CELF2: variants seen among roughly 807,000 people sequenced by gnomAD.
CELF2 encodes CUGBP Elav-like family member 2.
A neutral mutation model predicts 62.6 loss-of-function variants in CELF2; 8 were observed. The ratio of observed to expected loss-of-function variants is 0.13; its 90% CI spans 0.07 to 0.23. CELF2 has a LOEUF of 0.23. CELF2 is among the 10% of genes least tolerant of loss of function. The pLI is 1.00. For synonymous variants in CELF2, 258 were observed against 250.0 expected (o/e 1.03, Z -0.30); for missense variants, 333 against 671.0 (o/e 0.50, Z 5.56).
chr10:10,619,674 G>A, the CELF2 span, among the ~76,000 whole-genome samples: 1 of 152,200 alleles, frequency 6.6e-6, no homozygotes, highest in Admixed American at 6.5e-5. Context: ...TGCGCTGATG[G>A]GAATTCAGTG....
At chr10:11,283,312 C>T (rs545307083) in intron 8 of CELF2, among the ~76,000 whole-genome samples, 19 of 152,348 alleles carry the variant, frequency 1.2e-4, no homozygotes, top group Admixed American at 2.6e-4. Context: ...TTCTTCCCCA[C>T]TCCCTGACAT....
At chr10:11,078,860 CT>C (rs2072998867) in intron 1 of CELF2, among the ~76,000 whole-genome samples, 1 of 152,170 alleles carries the variant, frequency 6.6e-6, no homozygotes, top group African/African-American at 2.4e-5. Flanking sequence ...ACATCCATTG[CT>C]TTGCTTTAGA....
chr10:10,964,577 T>C (rs2049911674), intron 2 of CELF2, among the ~76,000 whole-genome samples: 1 of 152,226 alleles, frequency 6.6e-6, no homozygotes, highest in Non-Finnish European at 1.5e-5. Context: ...TTTATGTCAT[T>C]TCAGCAACTT....
chr10:11,214,158 C>T lies in CELF2; in HGVS notation c.272-3267C>T, dbSNP rs1444082864. Among the ~76,000 whole-genome samples the T allele has an allele frequency of 1.3e-5, 2 of 152,118 alleles. No individual in the cohort carries two copies. The highest frequency in any genetic ancestry group is 2.9e-5 in the Non-Finnish European group (2 of 68,022). ...AAGTAGTCAGGCATGGTAGCACACA[C>T]CTGTACTCCCAGGTACTCAGGGAAG... On this transcript the variant is annotated intron_variant, in intron 2 of 12. Transcript: ENST00000633077. This position sits in a 1 kb window ranked among gnomAD's most constrained non-coding sequence, Gnocchi z 4.2.
At chr10:11,120,153 G>A (rs1262079218) in intron 1 of CELF2, among the ~76,000 whole-genome samples, 1 of 152,160 alleles carries the variant, frequency 6.6e-6, no homozygotes, top group Non-Finnish European at 1.5e-5. Flanking sequence ...TTCGCCAGGT[G>A]TCAGGGGATA....
chr10:11,098,822 C>T lies in CELF2; in HGVS notation c.75-66664C>T, dbSNP rs953484712. On this transcript the variant is annotated intron_variant, in intron 1 of 12. Transcript: ENST00000633077. The surrounding 1 kb of genome is among the most constrained non-coding windows in gnomAD (Gnocchi z 4.0). ...ATTTGACCGAGGCTTCTTGGCTCTG[C>T]ACCGGGTGATAATTCTACCTGGGCA... is the stretch of plus-strand genomic sequence containing the variant. 7.2e-5 allele frequency among the ~76,000 whole-genome samples: 11 copies of T among 152,190 alleles called. No homozygotes were observed. The highest frequency in any genetic ancestry group is 2.7e-4 in the African/African-American group (11 of 41,436).
chr10:10,610,681 C>A, the CELF2 span, among the ~76,000 whole-genome samples: 11 of 152,242 alleles, frequency 7.2e-5, 1 homozygote, highest in Middle Eastern at 3.4e-3. Context: ...TCCTTCCATG[C>A]TAATAAATGC....
At chr10:11,126,017 G>T (rs973119662) in intron 1 of CELF2, among the ~76,000 whole-genome samples, 3 of 152,116 alleles carry the variant, frequency 2.0e-5, no homozygotes, top group Admixed American at 1.3e-4. Context: ...CTCAGAATAA[G>T]GTCTTTCTGT....
At chr10:10,602,041 C>T in the CELF2 span, among the ~76,000 whole-genome samples, 2 of 152,218 alleles carry the variant, frequency 1.3e-5, no homozygotes, top group Admixed American at 1.3e-4. Flanking sequence ...CTTCTAGTTC[C>T]ATCCATGTCC....
At chr10:11,281,251 T>G (rs918662642) in intron 8 of CELF2, among the ~76,000 whole-genome samples, 1 of 152,128 alleles carries the variant, frequency 6.6e-6, no homozygotes, top group African/African-American at 2.4e-5. Flanking sequence ...ACACATACTT[T>G]TTCATAAAAT....
At chr10:11,295,198 T>G (rs2093020878) in intron 9 of CELF2, among the ~76,000 whole-genome samples, 1 of 149,356 alleles carries the variant, frequency 6.7e-6, no homozygotes, top group African/African-American at 2.5e-5. Flanking sequence ...GACTGTCACC[T>G]CTTGATAGAT....
chr10:11,107,863 T>TCCC (rs1377332479), intron 1 of CELF2, among the ~76,000 whole-genome samples: 1,753 of 71,772 alleles, frequency 0.024, 189 homozygotes, highest in African/African-American at 0.076. Flanking sequence ...CCATCCCTTC[T>TCCC]ACCATCTCCT....
intron 2 of CELF2, among the ~76,000 whole-genome samples, chr10:11,184,519 T>C (rs1203707332): frequency 6.6e-6 from 1 of 152,240 alleles, no homozygotes; most frequent in East Asian, 1.9e-4. Flanking sequence ...TATTGAGTCT[T>C]CAAAACCATG....
At chr10:10,662,696 C>CAA in the CELF2 span, among the ~76,000 whole-genome samples, 22 of 147,334 alleles carry the variant, frequency 1.5e-4, no homozygotes, top group African/African-American at 5.2e-4. Context: ...GCTAAATTGA[C>CAA]AAAAAAAAAA....
In CELF2 at chr10:10,957,574, T is replaced by C. The variant is rs1381458239; in HGVS notation, c.89+37575T>C. Among the ~76,000 whole-genome samples the C allele has an allele frequency of 6.6e-6, 1 of 152,094 alleles. No homozygotes were observed. The highest frequency in any genetic ancestry group is 1.5e-5 in the Non-Finnish European group (1 of 67,998). ...TCCCCATCCCTCCCCTCTCCCTAGA[T>C]AGAGGGCAGAGAGGTCAAAGTCAGT... On this transcript the variant is annotated intron_variant, in intron 2 of 13. Coordinates refer to the CELF2 transcript ENST00000636488. The surrounding 1 kb of genome is among the most constrained non-coding windows in gnomAD (Gnocchi z 4.1).
At chr10:10,801,504 GTACTC>G (rs1393663149) in intron 1 of CELF2, among the ~76,000 whole-genome samples, 2 of 152,178 alleles carry the variant, frequency 1.3e-5, no homozygotes, top group Admixed American at 1.3e-4. Flanking sequence ...AATGAGGTGT[GTACTC>G]TAACGCCACA....
At position 10,904,249 on chromosome 10, in the gene CELF2, C is replaced by G. The variant is rs572708176; in HGVS notation, c.54-15715C>G. Among the ~76,000 whole-genome samples the G allele has an allele frequency of 4.4e-5, 6 of 135,740 alleles. No individual in the cohort carries two copies. In the South Asian group the frequency reaches 1.5e-3, roughly 33 times the overall value. 89.1% of individuals were successfully genotyped at this position (135,740 alleles called of 152,430 possible). ...TTTAATTTTTTTTTTTGTTTAGAGA[C>G]AGGGTCTCCTTCTGTCACCCAGGCT... On this transcript the variant is annotated intron_variant, in intron 1 of 13. Transcript: ENST00000636488.
intron 2 of CELF2, among the ~76,000 whole-genome samples, chr10:11,182,445 A>G (rs748171772): frequency 1.3e-5 from 2 of 152,190 alleles, no homozygotes; most frequent in South Asian, 4.1e-4. Context: ...ACTCTAAGAC[A>G]ATGATATACT....
At chr10:10,578,455 G>T in the CELF2 span, among the ~76,000 whole-genome samples, 1 of 152,090 alleles carries the variant, frequency 6.6e-6, no homozygotes, top group African/African-American at 2.4e-5. Context: ...GTCCTGAATG[G>T]TGTTGCTTAG....
Sources: gnomAD v4.1 joint callset for allele counts (sites outside exome capture counted in the v4.1 genomes callset) on GRCh38, gnomAD v4.1.1 for gene constraint, Gnocchi (gnomAD v3.1) non-coding constraint, MANE v1.5 for transcripts, NCBI Gene and HGNC (gene_info 2026-07-23, HGNC 2026-07-21) for gene names.